ZNF782: variants seen among roughly 807,000 people sequenced by gnomAD.
ZNF782 encodes zinc finger protein 782.
Under a neutral mutation model 13.0 loss-of-function variants are expected in ZNF782, and 12 were observed. The observed-to-expected ratio is 0.92, with a 90% CI of 0.59 to 1.50. The LOEUF is 1.50. Among genes scored for constraint, ZNF782 ranks in the 40% most tolerant of loss-of-function variants. ZNF782 has a pLI of 0.00. For missense variants in ZNF782, 770 were observed against 822.9 expected (o/e 0.94, Z 0.79); for synonymous variants, 284 against 283.0 (o/e 1.00, Z -0.04).
intron 3 of ZNF782, chr9:96,860,123 A>G (rs1189744890): frequency 6.6e-6 from 1 of 152,128 alleles, no homozygotes; most frequent in Non-Finnish European, 1.5e-5. Flanking sequence ...CACCAGGTAG[A>G]TTTATAAGGT....
the ZNF782 span, among the ~76,000 whole-genome samples, chr9:96,908,020 G>C: frequency 6.6e-6 from 1 of 151,882 alleles, no homozygotes. Flanking sequence ...GCTATAAACA[G>C]AACTACTAGT....
intron 4 of ZNF782, among the ~76,000 whole-genome samples, chr9:96,837,804 C>A (rs2118629137): frequency 6.6e-6 from 1 of 152,270 alleles, no homozygotes; most frequent in Non-Finnish European, 1.5e-5. Flanking sequence ...TAATTTTTCA[C>A]ATATTTGTAA....
chr9:96,857,929 A>G (rs1335267919), upstream of ZNF782, among the ~76,000 whole-genome samples: 1 of 152,188 alleles, frequency 6.6e-6, no homozygotes, highest in Non-Finnish European at 1.5e-5. Context: ...ATTGAAAAGT[A>G]TTTTTCTGGT....
At chr9:96,845,310 C>T (rs564113830) in intron 3 of ZNF782, among the ~76,000 whole-genome samples, 21 of 152,232 alleles carry the variant, frequency 1.4e-4, no homozygotes, top group Middle Eastern at 3.4e-3. Context: ...TTCCTGCATA[C>T]GTTTCCCATG....
chr9:96,843,586 T>G (rs1255494324), intron 4 of ZNF782, among the ~76,000 whole-genome samples: 1 of 152,164 alleles, frequency 6.6e-6, no homozygotes, highest in Non-Finnish European at 1.5e-5. Flanking sequence ...GATAGAGCAG[T>G]TCTGAATTGT....
chr9:96,907,068 T>C, the ZNF782 span, among the ~76,000 whole-genome samples: 257 of 150,442 alleles, frequency 1.7e-3, no homozygotes, highest in African/African-American at 6.3e-3. Flanking sequence ...TGTATACCCA[T>C]GTTCATAGCA....
intron 1 of ZNF782, among the ~76,000 whole-genome samples, chr9:96,868,746 G>A (rs1206296740): frequency 6.6e-6 from 1 of 152,140 alleles, no homozygotes; most frequent in Non-Finnish European, 1.5e-5. Context: ...TTCATCGATA[G>A]GGTTCTGTAC....
At position 96,816,605 on chromosome 9, in the gene ZNF782, TTAC is replaced by T. The variant is rs1210072988; in HGVS notation, c.*1315_*1317del. 1 of 152,230 alleles carries T rather than the reference TTAC, an allele frequency of 6.6e-6. No homozygotes were observed. Among genetic ancestry groups the T allele is most frequent in the Non-Finnish European group, 1.5e-5 (1 of 68,044 alleles). The allele number at this position is 152,230 out of a possible 1,614,324, so 9.4% of individuals were successfully genotyped here. ...TAAAGCAATATCTAGATAAAGGCTA[TTAC>T]TTACCTTTCTCAAATTGATAGATTT... On this transcript the variant is annotated 3_prime_UTR_variant, in exon 6 of 6. Coordinates refer to ENST00000481138, the MANE Select transcript of ZNF782 (RefSeq NM_001001662.3).
At chr9:96,926,830 T>C in the ZNF782 span, among the ~76,000 whole-genome samples, 34 of 152,234 alleles carry the variant, frequency 2.2e-4, no homozygotes, top group Non-Finnish European at 2.8e-4. Flanking sequence ...GCTTCTTAAG[T>C]GCCAACAGGG....
At chr9:96,886,286 A>G in the ZNF782 span, among the ~76,000 whole-genome samples, 7 of 152,188 alleles carry the variant, frequency 4.6e-5, no homozygotes, top group African/African-American at 1.7e-4. Flanking sequence ...GGCCAGACAC[A>G]ATAGCTCACA....
intron 1 of ZNF782, among the ~76,000 whole-genome samples, chr9:96,872,637 G>A (rs1329345430): frequency 6.6e-6 from 1 of 152,094 alleles, no homozygotes; most frequent in African/African-American, 2.4e-5. Flanking sequence ...ATGTCTTAAA[G>A]CATTTTTATA....
Position 96,851,975 on chromosome 9 carries a change from T to C in ZNF782, c.-14A>G, listed in dbSNP as rs763195439. ...AAATGTGTTCATTTTCTGTGGCTCT[T>C]GGGAGAGTATAGAGAACTGTAAAGC... On this transcript the variant is annotated 5_prime_UTR_variant, in exon 3 of 6. Transcript: ENST00000481138. The C allele has an allele frequency of 6.2e-7, 1 of 1,613,918 alleles. No homozygotes were observed. Among genetic ancestry groups the C allele is most frequent in the Non-Finnish European group, 8.5e-7 (1 of 1,179,784 alleles).
the ZNF782 span, chr9:96,931,684 G>A: frequency 1.9e-6 from 3 of 1,609,044 alleles, no homozygotes; most frequent in Non-Finnish European, 2.5e-6. Context: ...TGGACCTGGA[G>A]ACGCCAGCTC....
chr9:96,818,447 TATG>T lies in ZNF782; in HGVS notation c.1573_1575del (p.His525del), dbSNP rs748708458. 24 of 1,614,072 alleles carry T rather than the reference TATG, an allele frequency of 1.5e-5. 1 individual carries two copies. In the South Asian group the frequency reaches 2.4e-4, roughly 16 times the overall value. On this transcript the variant is annotated inframe_deletion, in exon 6 of 6. Transcript: ENST00000481138. ...TAGGGCTTCTCCCCTGTGTGTGTTC[TATG>T]ATGTTTCCTCAGGCCTGACTTCAGT...
At chr9:96,852,642 G>A (rs1054943438) in intron 2 of ZNF782, among the ~76,000 whole-genome samples, 2 of 152,144 alleles carry the variant, frequency 1.3e-5, no homozygotes, top group South Asian at 2.1e-4. Flanking sequence ...ATGAGACTCT[G>A]TCTCCAAAAC....
the ZNF782 span, among the ~76,000 whole-genome samples, chr9:96,880,720 CAGA>C: frequency 3.3e-5 from 5 of 152,122 alleles, no homozygotes; most frequent in African/African-American, 4.8e-5. Context: ...TGTCCATGTT[CAGA>C]AGAAGAATTG....
chr9:96,860,134 T>G (rs1851686731), intron 3 of ZNF782: 2 of 152,076 alleles, frequency 1.3e-5, no homozygotes, highest in Admixed American at 1.3e-4. Flanking sequence ...TTTATAAGGT[T>G]TATGACTGAG....
the ZNF782 span, among the ~76,000 whole-genome samples, chr9:96,896,385 T>C: frequency 1.5e-4 from 23 of 152,164 alleles, no homozygotes; most frequent in Non-Finnish European, 3.1e-4. Context: ...GTCCATTACA[T>C]TGATGACATA....
intron 1 of ZNF782, among the ~76,000 whole-genome samples, chr9:96,870,925 C>T (rs1851817966): frequency 6.6e-6 from 1 of 152,174 alleles, no homozygotes; most frequent in Admixed American, 6.5e-5. Flanking sequence ...CATTCATATC[C>T]TCTGTAAGCA....
Sources: gnomAD v4.1 joint callset for allele counts (sites outside exome capture counted in the v4.1 genomes callset) on GRCh38, gnomAD v4.1.1 for gene constraint, MANE v1.5 for transcripts, NCBI Gene and HGNC (gene_info 2026-07-23, HGNC 2026-07-21) for gene names.